TMEM63C: variants seen among roughly 807,000 people sequenced by gnomAD.
TMEM63C encodes the protein osmosensitive cation channel TMEM63C.
TMEM63C carries 32 observed loss-of-function variants against 99.2 expected under a neutral mutation model. The observed-to-expected ratio is 0.32, with a 90% CI of 0.24 to 0.43. TMEM63C has a LOEUF of 0.43. TMEM63C is among the 20% of genes least tolerant of loss of function. The pLI is 1.00. For synonymous variants in TMEM63C, 376 were observed against 397.9 expected, an observed-to-expected ratio of 0.94 and a Z score of 0.66; for missense variants, 826 against 1,053.0, an observed-to-expected ratio of 0.78 and a Z score of 2.98.
intron 13 of TMEM63C, among the ~76,000 whole-genome samples, chr14:77,240,999 G>A (rs1889165857): frequency 2.1e-5 from 3 of 143,798 alleles, no homozygotes; most frequent in African/African-American, 7.8e-5. Context: ...CACCCAGGCT[G>A]GAGTGCAATG....
intron 1 of TMEM63C, among the ~76,000 whole-genome samples, chr14:77,200,842 G>A (rs1331990707): frequency 6.6e-6 from 1 of 152,154 alleles, no homozygotes; most frequent in Non-Finnish European, 1.5e-5. Context: ...AACTGGCTAG[G>A]CTCAAATCTC....
chr14:77,203,896 T>C (rs940811946), intron 1 of TMEM63C, among the ~76,000 whole-genome samples: 4 of 152,236 alleles, frequency 2.6e-5, no homozygotes, highest in African/African-American at 9.6e-5. Context: ...CCAACCCGGC[T>C]CTAGCTGGAG....
chr14:77,256,763 G>A lies in TMEM63C; in HGVS notation c.*37G>A. 6.3e-7 allele frequency: 1 copy of A among 1,597,890 alleles called. No individual in the cohort carries two copies. Among genetic ancestry groups the A allele is most frequent in the South Asian group, 1.1e-5 (1 of 90,158 alleles). On this transcript the variant is annotated 3_prime_UTR_variant, in exon 24 of 24. Coordinates refer to ENST00000298351, the MANE Select transcript of TMEM63C (RefSeq NM_020431.4). ...GGCCTCCACTGGCGACTTGTTGAGG[G>A]GTCAGGGGAGGGCCTGGCAAGGGGA...
chr14:77,222,470 T>C (rs1888742730), intron 5 of TMEM63C, among the ~76,000 whole-genome samples: 1 of 152,222 alleles, frequency 6.6e-6, no homozygotes, highest in Admixed American at 6.5e-5. Flanking sequence ...ATTTTCCACC[T>C]GCATCCAGAG....
In TMEM63C at chr14:77,225,470, C is replaced by G; in HGVS notation, c.350+9C>G. The G allele has an allele frequency of 6.2e-7, 1 of 1,612,932 alleles. No individual in the cohort carries two copies. Among genetic ancestry groups the G allele is most frequent in the Non-Finnish European group, 8.5e-7 (1 of 1,179,498 alleles). On this transcript the variant is annotated intron_variant, in intron 6 of 23. Transcript: ENST00000298351. Reference sequence around the variant, plus strand: ...AACAGCATAACAATGAAGTAAGTGCCCGGGCTCTGTGAGCTTGTGACCGTG... The same window carrying G: ...AACAGCATAACAATGAAGTAAGTGCGCGGGCTCTGTGAGCTTGTGACCGTG...
rs2287381 is a variant in TMEM63C, at chr14:77,244,090, G to T, written c.1342-259G>T. On this transcript the variant is annotated intron_variant, in intron 15 of 23. Transcript: ENST00000298351. ...GGGGTTGCACTCCTGGCTAGCTCTG[G>T]CCTTAGGAGGAAGTCACTCAAGAAA... Among the ~76,000 whole-genome samples the T allele has an allele frequency of 0.28, 42,470 of 151,866 alleles. 6,371 individuals are homozygous for T. Among genetic ancestry groups the T allele is most frequent in the East Asian group, 0.57 (2,938 of 5,112 alleles).
chr14:77,205,115 C>T (rs1172119202), intron 1 of TMEM63C, among the ~76,000 whole-genome samples: 1 of 152,164 alleles, frequency 6.6e-6, no homozygotes, highest in East Asian at 1.9e-4. Flanking sequence ...ATGCAAAGGC[C>T]CTGTGGCAGG....
In TMEM63C at chr14:77,238,761, A is replaced by T. The variant is rs1165893840; in HGVS notation, c.719A>T (p.His240Leu). 1.2e-6 allele frequency: 2 copies of T among 1,613,660 alleles called. No homozygotes were observed. Among genetic ancestry groups the T allele is most frequent in the Admixed American group, 1.7e-5 (1 of 60,020 alleles). The change falls in exon 10 of 24, where the codon CAT becomes CTT. Residue 240 changes from histidine to leucine, a missense_variant. Transcript: ENST00000298351. ...DIEDPELIIK[H>L]FHEAYPGSVV... ...GAAGACCCAGAACTCATCATTAAGC[A>T]TTTTCAGTAAGTGGGTTGGGGTAGG...
At chr14:77,208,992 G>A (rs1888451861) in intron 1 of TMEM63C, among the ~76,000 whole-genome samples, 1 of 152,096 alleles carries the variant, frequency 6.6e-6, no homozygotes, top group Non-Finnish European at 1.5e-5. Flanking sequence ...ACCCCATGCT[G>A]AGGCTTCAGG....
intron 1 of TMEM63C, among the ~76,000 whole-genome samples, chr14:77,184,339 C>T (rs1333724298): frequency 6.6e-6 from 1 of 152,064 alleles, no homozygotes; most frequent in South Asian, 2.1e-4. Context: ...TTATAGTTAA[C>T]ATATTTAACA....
At chr14:77,231,426 G>A (rs935140984) in intron 6 of TMEM63C, among the ~76,000 whole-genome samples, 162 bp from the exon 7 acceptor site, 9 of 151,752 alleles carry the variant, frequency 5.9e-5, no homozygotes, top group Admixed American at 4.6e-4. Flanking sequence ...TGAGATATAG[G>A]GCAATTTCGA....
chr14:77,245,781 C>G (rs2140129132), intron 16 of TMEM63C, among the ~76,000 whole-genome samples, 159 bp from the exon 17 acceptor site: 1 of 152,322 alleles, frequency 6.6e-6, no homozygotes, highest in Middle Eastern at 3.4e-3. Flanking sequence ...CTGGGTCCCT[C>G]CCACAACATG....
At chr14:77,253,500 C>G in intron 23 of TMEM63C, 124 bp downstream of exon 23, 1 of 911,792 alleles carries the variant, frequency 1.1e-6, no homozygotes, top group Non-Finnish European at 1.7e-6. Flanking sequence ...AGATGGGGGA[C>G]CCCTGGGCTC....
At chr14:77,229,396 A>AAAAC (rs573913559) in intron 6 of TMEM63C, among the ~76,000 whole-genome samples, 1 of 152,042 alleles carries the variant, frequency 6.6e-6, no homozygotes, top group Non-Finnish European at 1.5e-5. Flanking sequence ...ACTCTGTCTC[A>AAAAC]AAACAAACAA....
At position 77,210,355 on chromosome 14, in the gene TMEM63C, C is replaced by G. The variant is rs770513753; in HGVS notation, c.-76-3091C>G. 3.2e-4 allele frequency among the ~76,000 whole-genome samples: 48 copies of G among 152,294 alleles called. 1 individual carries two copies. The highest frequency in any genetic ancestry group is 3.2e-4 in the Non-Finnish European group (22 of 68,036). ...ATCCCCAATCCACCACTTTCCCCAG[C>G]CTTAAGCAAATCTCCATGTCTGCTG... On this transcript the variant is annotated intron_variant, in intron 1 of 23. Transcript: ENST00000298351.
At chr14:77,186,776 G>GGGGGGTGTGT (rs1374329494) in intron 1 of TMEM63C, among the ~76,000 whole-genome samples, 1 of 138,438 alleles carries the variant, frequency 7.2e-6, no homozygotes, top group Non-Finnish European at 1.6e-5. Flanking sequence ...GAACCAAAGG[G>GGGGGGTGTGT]GTGTGTGTGT....
intron 6 of TMEM63C, among the ~76,000 whole-genome samples, chr14:77,229,193 C>T (rs566503546): frequency 7.2e-5 from 11 of 152,062 alleles, no homozygotes; most frequent in Admixed American, 1.3e-4. Context: ...CATTTGAGAT[C>T]AGGAGTTTGA....
intron 1 of TMEM63C, among the ~76,000 whole-genome samples, chr14:77,182,264 C>T (rs1443494311): frequency 2.0e-5 from 3 of 152,074 alleles, no homozygotes; most frequent in Non-Finnish European, 2.9e-5. Context: ...CTCCCCCACC[C>T]AGGGATTCCC....
intron 1 of TMEM63C, among the ~76,000 whole-genome samples, chr14:77,186,776 G>GTGT (rs1888001342): frequency 7.2e-6 from 1 of 138,438 alleles, no homozygotes; most frequent in Non-Finnish European, 1.6e-5. Context: ...GAACCAAAGG[G>GTGT]GTGTGTGTGT....
Sources: gnomAD v4.1 joint callset for allele counts (sites outside exome capture counted in the v4.1 genomes callset) on GRCh38, gnomAD v4.1.1 for gene constraint, MANE v1.5 for transcripts, NCBI Gene and HGNC (gene_info 2026-07-23, HGNC 2026-07-21) for gene names.